Variants in EAF2 observed in about 807,000 individuals in gnomAD.
EAF2 encodes ELL-associated factor 2.
A neutral mutation model predicts 29.4 loss-of-function variants in EAF2; 29 were observed. That is an observed-to-expected ratio of 0.99 (90% confidence interval 0.73 to 1.35). The LOEUF is 1.35. Among genes scored for constraint, EAF2 ranks in the 40% most tolerant of loss-of-function variants. The pLI is 0.00. For missense variants in EAF2, 292 were observed against 312.0 expected (o/e 0.94, Z 0.48); for synonymous variants, 103 against 102.5 (o/e 1.00, Z -0.03).
At position 121,855,328 on chromosome 3, in the gene EAF2, T is replaced by C. The variant is rs543964246; in HGVS notation, c.338+505T>C. Among the ~76,000 whole-genome samples, 3 of 152,270 alleles carry C rather than the reference T, an allele frequency of 2.0e-5. No individual in the cohort carries two copies. The East Asian group carries it at 5.8e-4, about 29-fold the overall frequency. ...AATAGGTAACACATTACTTACCCTG[T>C]AATATAAGGATGTTTGCTCTAAAAG... On this transcript the variant is annotated intron_variant, in intron 3 of 5. Coordinates refer to ENST00000273668, the MANE Select transcript of EAF2 (RefSeq NM_018456.6).
At chr3:121,874,116 A>T (rs1386272145) in intron 5 of EAF2, among the ~76,000 whole-genome samples, 2 of 151,818 alleles carry the variant, frequency 1.3e-5, no homozygotes, top group East Asian at 1.9e-4. Context: ...TAATAAAGGC[A>T]TGCAGGTTGG....
chr3:121,860,977 G>A (rs755674910), intron 4 of EAF2, among the ~76,000 whole-genome samples: 65 of 152,220 alleles, frequency 4.3e-4, no homozygotes, highest in Middle Eastern at 6.8e-3. Flanking sequence ...GTAGTTGTGC[G>A]TTTTGAGTGA....
chr3:121,848,049 T>A (rs1192542676), intron 2 of EAF2, among the ~76,000 whole-genome samples: 2 of 152,198 alleles, frequency 1.3e-5, no homozygotes, highest in African/African-American at 2.4e-5. Flanking sequence ...GTGGACAAAG[T>A]TCATTATTTT....
chr3:121,845,325 C>G (rs1223906310), intron 2 of EAF2, among the ~76,000 whole-genome samples: 2 of 148,778 alleles, frequency 1.3e-5, no homozygotes, highest in African/African-American at 5.0e-5. Flanking sequence ...GTAGTCCCAG[C>G]TATTTGGGAG....
At chr3:121,876,692 T>A (rs1709102836) in intron 5 of EAF2, among the ~76,000 whole-genome samples, 2 of 151,960 alleles carry the variant, frequency 1.3e-5, no homozygotes, top group Non-Finnish European at 2.9e-5. Flanking sequence ...GATAAATTTG[T>A]AGTGAGTTAT....
intron 4 of EAF2, 133 bp downstream of exon 4, chr3:121,857,289 C>A: frequency 1.6e-6 from 1 of 630,798 alleles, no homozygotes; most frequent in Non-Finnish European, 2.6e-6. Flanking sequence ...GTCAGTAGTT[C>A]AACACCAGCC....
chr3:121,840,658 T>G (rs1708402478), intron 1 of EAF2, among the ~76,000 whole-genome samples: 1 of 151,202 alleles, frequency 6.6e-6, no homozygotes, highest in Non-Finnish European at 1.5e-5. Flanking sequence ...ACAAAAAATA[T>G]TAGCCGGGAG....
At chr3:121,855,773 T>C (rs909337323) in intron 3 of EAF2, among the ~76,000 whole-genome samples, 4 of 152,188 alleles carry the variant, frequency 2.6e-5, no homozygotes, top group Non-Finnish European at 4.4e-5. Flanking sequence ...ATGTTGATAT[T>C]GGGCTAGAGG....
At chr3:121,869,432 G>C (rs1708975599) in intron 4 of EAF2, among the ~76,000 whole-genome samples, 1 of 152,140 alleles carries the variant, frequency 6.6e-6, no homozygotes, top group Non-Finnish European at 1.5e-5. Context: ...AGTCATCGGA[G>C]AACACTGTTG....
intron 4 of EAF2, among the ~76,000 whole-genome samples, chr3:121,864,505 C>A (rs1419620625): frequency 1.3e-5 from 2 of 152,002 alleles, no homozygotes; most frequent in African/African-American, 4.8e-5. Flanking sequence ...GAAGGGAAGG[C>A]AAATTTGCTA....
At chr3:121,869,815 A>G (rs1035580919) in intron 4 of EAF2, among the ~76,000 whole-genome samples, 9 of 152,038 alleles carry the variant, frequency 5.9e-5, no homozygotes, top group Non-Finnish European at 1.2e-4. Flanking sequence ...CTTGAGCCCA[A>G]GAGGTTGAGG....
chr3:121,836,620 C>T (rs2107486052), intron 1 of EAF2: 2 of 987,220 alleles, frequency 2.0e-6, no homozygotes, highest in South Asian at 9.4e-5. Context: ...GTTTATTCTT[C>T]TTTATCATAT....
At position 121,886,449 on chromosome 3, in the gene EAF2, A is replaced by G. The variant is rs548396787; in HGVS notation, c.*61A>G. 4.8e-6 allele frequency: 5 copies of G among 1,031,780 alleles called. No homozygotes were observed. In the South Asian group the frequency reaches 1.0e-4, roughly 21 times the overall value. 63.9% of individuals were successfully genotyped at this position (1,031,780 alleles called of 1,614,324 possible). ...ATGTATAATTTATTTTGTATTAACA[A>G]TAAAAATTCCTAAGACTGAGGGAAA... is the stretch of plus-strand genomic sequence containing the variant. On this transcript the variant is annotated 3_prime_UTR_variant, in exon 6 of 6. Transcript: ENST00000273668.
At chr3:121,879,156 A>T (rs1429314778) in intron 5 of EAF2, among the ~76,000 whole-genome samples, 5 of 151,878 alleles carry the variant, frequency 3.3e-5, no homozygotes, top group African/African-American at 4.8e-5. Context: ...GGCATTTTTT[A>T]AAATTATTGA....
rs1372570147 is a variant in EAF2 at position 121,835,385 on chromosome 3, G to A, written c.100G>A (p.Val34Met). ...EKQPRCAFHT[V>M]RYDFKPASID... ...GCAGCCGCGCTGCGCCTTCCACACT[G>A]TGCGCTGTGAGTGAGGACCATCCGG... The change falls in exon 1 of 6, where the codon GTG (valine) becomes ATG (methionine). Residue 34 changes from valine (V) to methionine (M), a missense_variant. Val to Met is a conservative substitution (Grantham distance 21). Coordinates refer to ENST00000273668, the MANE Select transcript of EAF2 (RefSeq NM_018456.6). 3 of 1,613,896 alleles carry A rather than the reference G, an allele frequency of 1.9e-6. No homozygotes were observed. In the Admixed American group the frequency reaches 5.0e-5, roughly 27 times the overall value.
chr3:121,862,487 C>T (rs984455387), intron 4 of EAF2, among the ~76,000 whole-genome samples: 21 of 152,222 alleles, frequency 1.4e-4, no homozygotes, highest in African/African-American at 4.8e-4. Context: ...GTGGAAGCAT[C>T]ACGTAGTTCT....
In EAF2 at chr3:121,857,099, C is replaced by T. The variant is rs755894488; in HGVS notation, c.427C>T (p.His143Tyr). 4.3e-6 allele frequency: 7 copies of T among 1,613,652 alleles called. No homozygotes were observed. Among genetic ancestry groups the T allele is most frequent in the South Asian group, 2.2e-5 (2 of 91,074 alleles). The change falls in exon 4 of 6, where the codon CAT becomes TAT. Residue 143 changes from histidine to tyrosine, a missense_variant. Transcript: ENST00000273668. ...NSARTPNLVK[H>Y]SPSEDKMSPA... ...AGCCAGGACTCCCAATCTTGTAAAACATTCTCCATCTGAAGATAAGATGTC... is the reference window on the plus strand; with the variant it reads ...AGCCAGGACTCCCAATCTTGTAAAATATTCTCCATCTGAAGATAAGATGTC...
intron 2 of EAF2, among the ~76,000 whole-genome samples, chr3:121,847,232 T>A (rs1235244883): frequency 6.6e-6 from 1 of 152,072 alleles, no homozygotes; most frequent in Non-Finnish European, 1.5e-5. Flanking sequence ...AATGTAGAAA[T>A]CTAAGAACTA....
chr3:121,840,499 A>AC (rs1708395028), intron 1 of EAF2, among the ~76,000 whole-genome samples: 1 of 75,952 alleles, frequency 1.3e-5, no homozygotes, highest in South Asian at 3.2e-4. Flanking sequence ...AAAAAAAAAA[A>AC]AAAAAAAAAG....
Sources: allele counts gnomAD v4.1 joint callset (sites outside exome capture counted in the v4.1 genomes callset), GRCh38; gene constraint gnomAD v4.1.1; transcripts MANE v1.5; gene names NCBI Gene and HGNC (gene_info 2026-07-23, HGNC 2026-07-21).